Variants in HELZ observed in about 807,000 individuals in gnomAD.
The protein encoded by HELZ is helicase with zinc finger.
In HELZ, 23 loss-of-function variants were observed where a neutral mutation model predicts 218.2. The ratio of observed to expected loss-of-function variants is 0.11; its 90% CI spans 0.08 to 0.15. The LOEUF (loss-of-function observed/expected upper bound fraction) is 0.15, where lower values mean the gene tolerates loss of function less well. HELZ is among the 10% of genes least tolerant of loss of function. The probability of loss-of-function intolerance (pLI) is 1.00; values close to 1 mark genes in which losing one functional copy is unlikely to be tolerated. For missense variants in HELZ, 1,813 were observed against 2,353.7 expected (o/e 0.77, Z 4.75); for synonymous variants, 814 against 829.4 (o/e 0.98, Z 0.32).
chr17:67,138,958 G>A (rs2038235715), intron 21 of HELZ, among the ~76,000 whole-genome samples: 1 of 152,038 alleles, frequency 6.6e-6, no homozygotes, highest in Admixed American at 6.6e-5. Flanking sequence ...AGAAAAGAGA[G>A]TCATAATAAA....
intron 3 of HELZ, chr17:67,225,603 AC>A (rs1351295652): frequency 6.6e-6 from 1 of 152,262 alleles, no homozygotes; most frequent in African/African-American, 2.4e-5. Context: ...TAAAACACAC[AC>A]ACACCCCTAA....
intron 23 of HELZ, among the ~76,000 whole-genome samples, chr17:67,135,482 G>A (rs1462258896): frequency 6.6e-6 from 1 of 152,190 alleles, no homozygotes; most frequent in Non-Finnish European, 1.5e-5. Flanking sequence ...GCTTCTCAGT[G>A]AGGTCTGCTC....
intron 7 of HELZ, among the ~76,000 whole-genome samples, chr17:67,199,413 A>G (rs192591669): frequency 3.3e-5 from 5 of 152,172 alleles, no homozygotes; most frequent in African/African-American, 1.2e-4. Flanking sequence ...GGGTTTCAAC[A>G]TATTGGTCAG....
intron 7 of HELZ, among the ~76,000 whole-genome samples, chr17:67,199,493 G>A (rs756030476): frequency 2.6e-5 from 4 of 152,090 alleles, no homozygotes; most frequent in Admixed American, 6.6e-5. Flanking sequence ...GATTATAGGC[G>A]TGAAGCACCG....
intron 3 of HELZ, among the ~76,000 whole-genome samples, chr17:67,227,094 TTAG>T (rs1287921891): frequency 2.0e-5 from 3 of 152,164 alleles, no homozygotes; most frequent in Non-Finnish European, 4.4e-5. Flanking sequence ...ATGTGTTAAA[TTAG>T]TAAAACTGTA....
intron 31 of HELZ, among the ~76,000 whole-genome samples, chr17:67,093,737 C>CT (rs1199728007): frequency 6.6e-6 from 1 of 152,166 alleles, no homozygotes; most frequent in Non-Finnish European, 1.5e-5. Flanking sequence ...CACTGCTACC[C>CT]CACAGTCCAA....
intron 24 of HELZ, among the ~76,000 whole-genome samples, chr17:67,125,593 TCAA>T (rs1483668796): frequency 6.6e-6 from 1 of 151,754 alleles, no homozygotes; most frequent in Non-Finnish European, 1.5e-5. Context: ...TGCTAATGAC[TCAA>T]CAACCAGGGA....
intron 4 of HELZ, among the ~76,000 whole-genome samples, chr17:67,217,302 A>G (rs2040624794): frequency 6.6e-6 from 1 of 152,194 alleles, no homozygotes; most frequent in African/African-American, 2.4e-5. Flanking sequence ...TGCATTCAAT[A>G]CATTAGGAAA....
intron 16 of HELZ, 45 bp from the exon 17 acceptor site, chr17:67,160,407 A>C (rs374255691): frequency 2.6e-5 from 35 of 1,355,802 alleles, no homozygotes; most frequent in Non-Finnish European, 3.6e-5. Flanking sequence ...TAAAACACAA[A>C]ACTATTCAAG....
rs1167643178 is a variant in HELZ, at chr17:67,109,175, G to A, written c.4430C>T (p.Ser1477Leu). Residue 1477 changes from serine (S) to leucine (L), a missense_variant, in exon 29 of 33, where the codon TCA becomes TTA. By Grantham distance (145) the Ser-to-Leu change is moderately radical. Around this residue, in one of 4 missense-constraint regions of HELZ, gnomAD observed 938 missense variants for 1,027.5 expected, o/e 0.91. Transcript: ENST00000358691. ...AIAQPGPILP[S>L]HLNSFIDENP... ...CTCATCAATGAAGCTATTCAGATGT[G>A]AAGGAAGAATGGGGCCGGGTTGTGC... 1.2e-6 allele frequency: 2 copies of A among 1,614,070 alleles called. No homozygotes were observed. The highest frequency in any genetic ancestry group is 1.7e-5 in the Admixed American group (1 of 60,024).
chr17:67,083,639 C>T (rs1441686866), intron 32 of HELZ, among the ~76,000 whole-genome samples: 1 of 152,142 alleles, frequency 6.6e-6, no homozygotes, highest in African/African-American at 2.4e-5. Context: ...AAAAACAAAA[C>T]AAAACAAACA....
chr17:67,077,642 A>G lies in HELZ; in HGVS notation c.*610T>C, dbSNP rs1477209628. The G allele has an allele frequency of 1.3e-5, 2 of 151,310 alleles. No homozygotes were observed. Among genetic ancestry groups the G allele is most frequent in the African/African-American group, 4.9e-5 (2 of 41,110 alleles). 9.4% of individuals were successfully genotyped at this position (151,310 alleles called of 1,614,324 possible). A position where few individuals can be genotyped will look rare whatever the true frequency, so the allele number is the denominator to read the frequency against. ...CAAAGAATGCCTTTAACTCTATCCT[A>G]TGGTGGATGGAGATTACAACAACAC... is the stretch of plus-strand genomic sequence containing the variant. On this transcript the variant is annotated 3_prime_UTR_variant, in exon 33 of 33. Coordinates refer to ENST00000358691, the MANE Select transcript of HELZ (RefSeq NM_014877.4).
At chr17:67,151,763 A>G (rs75254453) in intron 17 of HELZ, among the ~76,000 whole-genome samples, 2 of 152,262 alleles carry the variant, frequency 1.3e-5, no homozygotes. Context: ...GAATAAATTT[A>G]AAGTTTGAAC....
chr17:67,119,609 C>T (rs1232189839), intron 27 of HELZ, among the ~76,000 whole-genome samples: 2 of 152,148 alleles, frequency 1.3e-5, no homozygotes, highest in Admixed American at 1.3e-4. Context: ...GTGAATTTTA[C>T]TGTATATAAC....
At chr17:67,208,003 CA>C (rs1294632540) in intron 5 of HELZ, among the ~76,000 whole-genome samples, 1 of 151,944 alleles carries the variant, frequency 6.6e-6, no homozygotes, top group African/African-American at 2.4e-5. Context: ...TGTCTCAAAA[CA>C]AAAACAAAAA....
chr17:67,218,686 G>A lies in HELZ; in HGVS notation c.119C>T (p.Ser40Phe). 3.1e-6 allele frequency: 5 copies of A among 1,614,136 alleles called. No individual in the cohort carries two copies. The highest frequency in any genetic ancestry group is 4.2e-6 in the Non-Finnish European group (5 of 1,180,012). ...ACAAGGCCCTGTGAAGTCTGCCATG[G>A]AGTACTGGCCAAGAGAAAGAAGGGC... ...TEALLSLGQY[S>F]MADFTGPCPL... The change falls in exon 4 of 33, where the codon TCC (serine) becomes TTC (phenylalanine). Residue 40 changes from serine to phenylalanine, a missense_variant. This residue lies in a region of HELZ where 714 missense variants were observed against 1,029.2 expected (regional missense o/e 0.69). Coordinates refer to ENST00000358691, the MANE Select transcript of HELZ (RefSeq NM_014877.4).
At position 67,188,228 on chromosome 17, in the gene HELZ, C is replaced by T; in HGVS notation, c.1162+91G>A. ...TTTTTTTCTTTATTACTATTCTCTT[C>T]CTATCCATGGAATATATTCAGGGGC... is the stretch of plus-strand genomic sequence containing the variant. On this transcript the variant is annotated intron_variant, in intron 12 of 32. Transcript: ENST00000358691. The surrounding 1 kb of genome is among the most constrained non-coding windows in gnomAD (Gnocchi z 4.1). The T allele has an allele frequency of 8.3e-7, 1 of 1,208,268 alleles. No individual in the cohort carries two copies. The highest frequency in any genetic ancestry group is 1.2e-6 in the Non-Finnish European group (1 of 854,828). 74.8% of individuals were successfully genotyped at this position (1,208,268 alleles called of 1,614,324 possible).
At chr17:67,149,299 T>C (rs865931007) in intron 19 of HELZ, among the ~76,000 whole-genome samples, 7 of 152,172 alleles carry the variant, frequency 4.6e-5, no homozygotes, top group Middle Eastern at 3.2e-3. Context: ...TAGTATGATG[T>C]AGGTCCAATC....
intron 31 of HELZ, among the ~76,000 whole-genome samples, chr17:67,093,707 A>C (rs758399143): frequency 3.9e-5 from 6 of 152,172 alleles, no homozygotes; most frequent in Admixed American, 2.0e-4. Flanking sequence ...GTAGATCCTG[A>C]ATTTATTTCT....
Sources: allele counts gnomAD v4.1 joint callset (sites outside exome capture counted in the v4.1 genomes callset), GRCh38; gene constraint gnomAD v4.1.1; regional missense constraint gnomAD v4.1.1; non-coding constraint Gnocchi (gnomAD v3.1); transcripts MANE v1.5; gene names NCBI Gene and HGNC (gene_info 2026-07-23, HGNC 2026-07-21).